The following ATP2C1 variants were observed in gnomAD, a reference collection of about 807,000 sequenced individuals.
The protein encoded by ATP2C1 is ATPase secretory pathway Ca2+ transporting 1.
A neutral mutation model predicts 120.5 loss-of-function variants in ATP2C1; 31 were observed. The observed-to-expected ratio is 0.26, with a 90% CI of 0.19 to 0.35. ATP2C1 has a LOEUF of 0.35. Ranked by LOEUF, ATP2C1 falls within the 10% of genes least tolerant of loss-of-function variation. The pLI, the probability that ATP2C1 is intolerant of heterozygous loss-of-function variation, is 1.00. For missense variants in ATP2C1, 731 were observed against 1,107.5 expected (o/e 0.66, Z 4.83); for synonymous variants, 351 against 358.7 (o/e 0.98, Z 0.24).
intron 5 of ATP2C1, 128 bp from the exon 6 acceptor site, chr3:130,937,300 C>A (rs1472851757): frequency 1.2e-6 from 1 of 809,804 alleles, no homozygotes; most frequent in Non-Finnish European, 2.1e-6. Context: ...GTTGTGATTT[C>A]TTTTCCAGCT....
At chr3:130,887,219 G>A (rs1402028590) in intron 1 of ATP2C1, among the ~76,000 whole-genome samples, 1 of 152,162 alleles carries the variant, frequency 6.6e-6, no homozygotes, top group Non-Finnish European at 1.5e-5. Context: ...AGGGCTGCAG[G>A]TAGAGTGACA....
intron 6 of ATP2C1, among the ~76,000 whole-genome samples, chr3:130,938,263 T>C (rs2059753790): frequency 6.6e-6 from 1 of 152,264 alleles, no homozygotes; most frequent in South Asian, 2.1e-4. Flanking sequence ...CTGAAACTTC[T>C]GTAGATTTTA....
rs758142720 is a variant in ATP2C1 at position 130,979,425 on chromosome 3, A to T, written c.1741+6A>T. Reference sequence around the variant, plus strand: ...GGAGACTGCAGTTGCAATCGGTATAACTAGACTGCTTTCTTTTGTTTTCGA... The same window carrying T: ...GGAGACTGCAGTTGCAATCGGTATATCTAGACTGCTTTCTTTTGTTTTCGA... On this transcript the variant is annotated splice_donor_region_variant and intron_variant, in intron 19 of 27. Coordinates refer to ENST00000510168, the MANE Select transcript of ATP2C1 (RefSeq NM_001378687.1). 1.2e-5 allele frequency: 19 copies of T among 1,612,968 alleles called. No homozygotes were observed. Among genetic ancestry groups the T allele is most frequent in the Non-Finnish European group, 1.6e-5 (19 of 1,179,232 alleles).
At chr3:131,003,928 C>T (rs1453583719), downstream of ATP2C1, among the ~76,000 whole-genome samples, 1 of 152,214 alleles carries the variant, frequency 6.6e-6, no homozygotes. Flanking sequence ...TGCTTTCTGC[C>T]TCTGTCACTT....
chr3:131,001,253 T>TGTGCATA lies in ATP2C1; in HGVS notation c.2667_2673dup (p.Ala892HisfsTer10). ...TTTCTTTTGGGTCTCACCTCATCAG[T>TGTGCATA]GTGCATAGTGGCAGAAATTATAAAG... is the stretch of plus-strand genomic sequence containing the variant. On this transcript the variant is annotated frameshift_variant, in exon 28 of 28. Transcript: ENST00000510168. LOFTEE classifies it high-confidence loss of function. 1 of 1,613,844 alleles carries TGTGCATA rather than the reference T, an allele frequency of 6.2e-7. No homozygotes were observed. Among genetic ancestry groups the TGTGCATA allele is most frequent in the Non-Finnish European group, 8.5e-7 (1 of 1,179,886 alleles).
intron 20 of ATP2C1, among the ~76,000 whole-genome samples, chr3:130,987,779 C>T (rs2062093685): frequency 1.3e-5 from 2 of 152,172 alleles, no homozygotes; most frequent in Non-Finnish European, 2.9e-5. Flanking sequence ...AAATATTTTT[C>T]AGCCATCCTT....
rs1295329214 is a variant in ATP2C1 at position 131,002,361 on chromosome 3, A to G, written c.*1011A>G. ...AATAAAAAGTCCCCAAACCCAAACA[A>G]ATGGTTTATGAACCAGAGTATATGT... On this transcript the variant is annotated 3_prime_UTR_variant, in exon 28 of 28. Coordinates refer to ENST00000510168, the MANE Select transcript of ATP2C1 (RefSeq NM_001378687.1). The G allele has an allele frequency of 1.0e-6, 1 of 985,260 alleles. No homozygotes were observed. Among genetic ancestry groups the G allele is most frequent in the Non-Finnish European group, 1.2e-6 (1 of 829,892 alleles). 61.0% of individuals were successfully genotyped at this position (985,260 alleles called of 1,614,324 possible).
chr3:130,860,130 CAT>C (rs1415177893), intron 1 of ATP2C1, among the ~76,000 whole-genome samples: 1 of 152,188 alleles, frequency 6.6e-6, no homozygotes, highest in Non-Finnish European at 1.5e-5. Context: ...TTAAAACAAA[CAT>C]AAAGTGCAAA....
chr3:130,995,734 G>A (rs1218310595), intron 22 of ATP2C1, among the ~76,000 whole-genome samples: 6 of 152,248 alleles, frequency 3.9e-5, no homozygotes, highest in Non-Finnish European at 2.9e-5. Flanking sequence ...TCCGCCTCCC[G>A]GGTTTAAGCG....
intron 8 of ATP2C1, among the ~76,000 whole-genome samples, chr3:130,950,042 T>C (rs1481861186): frequency 6.6e-6 from 1 of 152,142 alleles, no homozygotes; most frequent in Non-Finnish European, 1.5e-5. Context: ...CTGCCAGTTG[T>C]TCCATATTAA....
At chr3:130,949,970 G>GT (rs1349088024) in intron 8 of ATP2C1, among the ~76,000 whole-genome samples, 1 of 152,090 alleles carries the variant, frequency 6.6e-6, no homozygotes, top group East Asian at 1.9e-4. Flanking sequence ...GACTCGAGAG[G>GT]TGATTGCCTT....
chr3:131,015,547 T>C (rs1460352293), intron 26 of ATP2C1, among the ~76,000 whole-genome samples: 1 of 152,196 alleles, frequency 6.6e-6, no homozygotes, highest in Non-Finnish European at 1.5e-5. Context: ...CCTTCTTGCC[T>C]GGTAAAGCAA....
chr3:130,970,496 G>T (rs1312249036), intron 17 of ATP2C1, among the ~76,000 whole-genome samples: 1 of 151,732 alleles, frequency 6.6e-6, no homozygotes, highest in Non-Finnish European at 1.5e-5. Context: ...TGGCACAAGT[G>T]ATCTTCCCAC....
chr3:130,872,542 A>G (rs565991910), intron 1 of ATP2C1, among the ~76,000 whole-genome samples: 11 of 151,380 alleles, frequency 7.3e-5, no homozygotes, highest in African/African-American at 2.7e-4. Flanking sequence ...ATCTGTGATT[A>G]TTATTCATGA....
chr3:130,894,627 G>C lies in ATP2C1; in HGVS notation c.-143G>C. 1 of 1,594,184 alleles carries C rather than the reference G, an allele frequency of 6.3e-7. No homozygotes were observed. Among genetic ancestry groups the C allele is most frequent in the Non-Finnish European group, 8.6e-7 (1 of 1,168,942 alleles). ...GGGGTGGTGGGAGCAGCCGTGGGACGCGTGGCCGGGAGCGGGGGTGACAGC... is the reference window on the plus strand; with the variant it reads ...GGGGTGGTGGGAGCAGCCGTGGGACCCGTGGCCGGGAGCGGGGGTGACAGC... On this transcript the variant is annotated 5_prime_UTR_variant, in exon 2 of 28. Transcript: ENST00000510168. The surrounding 1 kb of genome is among the most constrained non-coding windows in gnomAD (Gnocchi z 4.5).
At chr3:130,964,125 A>G in intron 13 of ATP2C1, 30 bp downstream of exon 13, 2 of 1,610,834 alleles carry the variant, frequency 1.2e-6, no homozygotes, top group Non-Finnish European at 1.7e-6. Flanking sequence ...ATTCTTATGC[A>G]ATGATGCGTA....
At chr3:130,937,982 C>T (rs1201770004) in intron 6 of ATP2C1, among the ~76,000 whole-genome samples, 1 of 152,132 alleles carries the variant, frequency 6.6e-6, no homozygotes, top group African/African-American at 2.4e-5. Flanking sequence ...TATCACTTAA[C>T]CTTATTTTAT....
chr3:130,942,392 A>C (rs1181073924), intron 8 of ATP2C1, among the ~76,000 whole-genome samples: 1 of 152,190 alleles, frequency 6.6e-6, no homozygotes, highest in Admixed American at 6.5e-5. Context: ...AGTGTGTAGA[A>C]TAGATTGAAG....
intron 26 of ATP2C1, among the ~76,000 whole-genome samples, chr3:131,008,457 CTG>C (rs1157162336): frequency 2.7e-5 from 4 of 149,420 alleles, no homozygotes; most frequent in African/African-American, 9.9e-5. Context: ...AAAAGAAAAA[CTG>C]TGCCATGCTG....
Sources: allele counts gnomAD v4.1 joint callset (sites outside exome capture counted in the v4.1 genomes callset), GRCh38; gene constraint gnomAD v4.1.1; non-coding constraint Gnocchi (gnomAD v3.1); transcripts MANE v1.5; gene names NCBI Gene and HGNC (gene_info 2026-07-23, HGNC 2026-07-21).